DLG2: variants seen among roughly 807,000 people sequenced by gnomAD.
The protein encoded by DLG2 is disks large homolog 2.
DLG2 carries 45 observed loss-of-function variants against 132.5 expected under a neutral mutation model. That is an observed-to-expected ratio of 0.34 (90% CI 0.27 to 0.44). DLG2 has a LOEUF of 0.44. Ranked by LOEUF, DLG2 falls within the 20% of genes least tolerant of loss-of-function variation. DLG2 has a pLI of 1.00. For synonymous variants in DLG2, 424 were observed against 419.6 expected (o/e 1.01, Z -0.13); for missense variants, 1,045 against 1,196.9 (o/e 0.87, Z 1.87).
chr11:84,358,411 T>C (rs2098630572), intron 7 of DLG2, among the ~76,000 whole-genome samples: 4 of 150,994 alleles, frequency 2.6e-5, no homozygotes. Flanking sequence ...GCAAACCTAC[T>C]TTCATTGGTA....
chr11:84,273,404 G>T, intron 7 of DLG2: 1 of 1,210,258 alleles, frequency 8.3e-7, no homozygotes, highest in East Asian at 3.0e-5. Flanking sequence ...TAAAAAAAAA[G>T]TTAATCAGAA....
chr11:85,128,072 G>C (rs1169637182), intron 5 of DLG2, among the ~76,000 whole-genome samples: 1 of 152,036 alleles, frequency 6.6e-6, no homozygotes, highest in Non-Finnish European at 1.5e-5. Flanking sequence ...AGCTTCTTTT[G>C]TGCTGCCTGG....
chr11:83,521,195 C>CTTA (rs1420565411), intron 21 of DLG2, among the ~76,000 whole-genome samples: 6 of 152,292 alleles, frequency 3.9e-5, no homozygotes, highest in African/African-American at 1.4e-4. Flanking sequence ...ACACAGGTCA[C>CTTA]TTATTTCCTC....
chr11:84,883,491 C>A (rs12798191), intron 6 of DLG2, among the ~76,000 whole-genome samples: 1 of 150,242 alleles, frequency 6.7e-6, no homozygotes, highest in Non-Finnish European at 1.5e-5. Context: ...AATACATCTA[C>A]ATGTTGAATA....
intron 4 of DLG2, among the ~76,000 whole-genome samples, chr11:85,276,911 A>G (rs1595890317): frequency 6.6e-6 from 1 of 152,220 alleles, no homozygotes; most frequent in East Asian, 1.9e-4. Context: ...TTTAAATGCA[A>G]TATGTCAAAC....
intron 3 of DLG2, among the ~76,000 whole-genome samples, chr11:85,350,437 C>T (rs986322013): frequency 2.0e-5 from 3 of 152,260 alleles, no homozygotes; most frequent in Admixed American, 1.3e-4. Context: ...TCAATTTTAG[C>T]TTTTGTTGCC....
chr11:84,433,974 C>T (rs150761776), intron 7 of DLG2, among the ~76,000 whole-genome samples: 26 of 151,820 alleles, frequency 1.7e-4, no homozygotes, highest in Admixed American at 8.5e-4. Context: ...AAAAATTAGC[C>T]GGGCATATTG....
chr11:83,945,766 C>T (rs74462281), intron 14 of DLG2, among the ~76,000 whole-genome samples: 11,541 of 149,032 alleles, frequency 0.077, 605 homozygotes, highest in Non-Finnish European at 0.12. Context: ...TAGGGTCGTC[C>T]GCTATTTTAA....
chr11:85,374,528 G>A (rs405726), intron 3 of DLG2, among the ~76,000 whole-genome samples: 88,577 of 152,052 alleles, frequency 0.58, 26,633 homozygotes, highest in Middle Eastern at 0.73. Context: ...TAGTAGAGAT[G>A]GGGTTTCACC....
intron 7 of DLG2, among the ~76,000 whole-genome samples, chr11:84,480,232 A>T (rs1196270778): frequency 3.9e-5 from 6 of 152,118 alleles, no homozygotes; most frequent in African/African-American, 1.4e-4. Flanking sequence ...TCCTTTACCC[A>T]TGAGTCGTTA....
At chr11:83,779,645 C>A (rs1371702924) in intron 18 of DLG2, among the ~76,000 whole-genome samples, 2 of 152,036 alleles carry the variant, frequency 1.3e-5, no homozygotes, top group African/African-American at 4.8e-5. Flanking sequence ...AACAGCTATA[C>A]CAATTTTAAA....
chr11:85,264,607 T>C (rs2077108300), intron 4 of DLG2, among the ~76,000 whole-genome samples: 1 of 152,120 alleles, frequency 6.6e-6, no homozygotes, highest in South Asian at 2.1e-4. Flanking sequence ...ATGAGGGCCA[T>C]TGCTATGAAT....
At chr11:84,285,365 G>A (rs752528469) in intron 7 of DLG2, among the ~76,000 whole-genome samples, 4 of 152,118 alleles carry the variant, frequency 2.6e-5, no homozygotes, top group African/African-American at 4.8e-5. Flanking sequence ...TCTGTCACCA[G>A]GGTCAGCTTG....
rs746746032 is a variant in DLG2, at chr11:83,609,644, C to A, written c.1940+23567G>T. Among the ~76,000 whole-genome samples, 5 of 152,106 alleles carry A rather than the reference C, an allele frequency of 3.3e-5. No homozygotes were observed. The South Asian group carries it at 1.0e-3, about 32-fold the overall frequency. On this transcript the variant is annotated intron_variant, in intron 19 of 27. Coordinates refer to ENST00000376104, the MANE Select transcript of DLG2 (RefSeq NM_001142699.3). ...GTGTGGGATCTTTGCATGCATCCTC[C>A]CTTCTCCCCACTCTCATCCTTAATC...
rs183977845 is a variant in DLG2 at position 84,708,302 on chromosome 11, A to G, written c.358-173571T>C. Among the ~76,000 whole-genome samples, 71 of 152,046 alleles carry G rather than the reference A, an allele frequency of 4.7e-4. 1 individual carries two copies. Among genetic ancestry groups the G allele is most frequent in the African/African-American group, 1.6e-3 (68 of 41,536 alleles). ...TTTCTATATAATAACAGTAAACATT[A>G]TTTTAAAATATGAGTGAGACCAAGA... is the stretch of plus-strand genomic sequence containing the variant. On this transcript the variant is annotated intron_variant, in intron 6 of 27. Transcript: ENST00000376104.
At chr11:84,438,863 C>A (rs1463615778) in intron 7 of DLG2, among the ~76,000 whole-genome samples, 1 of 152,114 alleles carries the variant, frequency 6.6e-6, no homozygotes. Context: ...GCCCTATGAG[C>A]AATGAAGAAT....
chr11:85,181,841 A>T (rs934236063), intron 4 of DLG2, among the ~76,000 whole-genome samples: 1 of 151,608 alleles, frequency 6.6e-6, no homozygotes, highest in African/African-American at 2.4e-5. Flanking sequence ...AAAAGATCCT[A>T]ACTGAATGTA....
At chr11:83,725,224 G>A (rs2089770561) in intron 18 of DLG2, 1 of 261,542 alleles carries the variant, frequency 3.8e-6, no homozygotes, top group Non-Finnish European at 7.3e-6. Flanking sequence ...AAGTCGAAGA[G>A]GTGAAAACCT....
intron 9 of DLG2, among the ~76,000 whole-genome samples, chr11:84,149,291 C>T (rs2095210414): frequency 6.6e-6 from 1 of 152,048 alleles, no homozygotes; most frequent in Non-Finnish European, 1.5e-5. Context: ...AATTCTTTGC[C>T]AATGCCAATG....
Sources: allele counts gnomAD v4.1 joint callset (sites outside exome capture counted in the v4.1 genomes callset), GRCh38; gene constraint gnomAD v4.1.1; transcripts MANE v1.5; gene names NCBI Gene and HGNC (gene_info 2026-07-23, HGNC 2026-07-21).